Variants in CD163L1 observed in about 807,000 individuals in gnomAD.
CD163L1 encodes scavenger receptor cysteine-rich type 1 protein M160.
A neutral mutation model predicts 165.4 loss-of-function variants in CD163L1; 124 were observed. That is an observed-to-expected ratio of 0.75 (90% CI 0.65 to 0.87). The LOEUF (loss-of-function observed/expected upper bound fraction) is 0.87, where lower values mean the gene tolerates loss of function less well. Among genes scored for constraint, CD163L1 ranks in the 40% least tolerant of loss-of-function variants. The pLI, the probability that CD163L1 is intolerant of heterozygous loss-of-function variation, is 0.00. For synonymous variants in CD163L1, 585 were observed against 662.2 expected (o/e 0.88, Z 1.79); for missense variants, 1,525 against 1,799.9 (o/e 0.85, Z 2.76).
intron 4 of CD163L1, among the ~76,000 whole-genome samples, chr12:7,428,269 T>A (rs1470480494): frequency 6.6e-6 from 1 of 152,078 alleles, no homozygotes. Flanking sequence ...CATAGTCAAT[T>A]GTACTGATAA....
chr12:7,344,204 C>G (rs368215170), downstream of CD163L1, among the ~76,000 whole-genome samples: 1 of 151,984 alleles, frequency 6.6e-6, no homozygotes, highest in African/African-American at 2.4e-5. Context: ...CCTCAGCCTC[C>G]CTAGGAGCTG....
intron 18 of CD163L1, among the ~76,000 whole-genome samples, chr12:7,365,604 G>T (rs368700077): frequency 1.3e-5 from 2 of 151,976 alleles, no homozygotes; most frequent in Non-Finnish European, 2.9e-5. Context: ...ATGGGTGAAA[G>T]AACTGAATAG....
intron 4 of CD163L1, among the ~76,000 whole-genome samples, chr12:7,414,535 A>G (rs1948199816): frequency 6.7e-6 from 1 of 148,904 alleles, no homozygotes; most frequent in African/African-American, 2.6e-5. Flanking sequence ...GAAAAACAAC[A>G]GAAATTTAAA....
At chr12:7,364,594 C>G (rs1946973798) in intron 18 of CD163L1, among the ~76,000 whole-genome samples, 1 of 152,032 alleles carries the variant, frequency 6.6e-6, no homozygotes, top group Non-Finnish European at 1.5e-5. Flanking sequence ...AGTAAAGTTA[C>G]AGAATACAAA....
At chr12:7,379,818 G>A (rs564785042) in intron 8 of CD163L1, among the ~76,000 whole-genome samples, 205 of 150,368 alleles carry the variant, frequency 1.4e-3, no homozygotes, top group African/African-American at 4.6e-3. Flanking sequence ...ATTGGAGCTC[G>A]GGAAAAGAAA....
chr12:7,413,699 T>C (rs1007070587), intron 4 of CD163L1, among the ~76,000 whole-genome samples: 6 of 152,216 alleles, frequency 3.9e-5, no homozygotes, highest in African/African-American at 7.2e-5. Context: ...TCAGACGGTG[T>C]GTGTATCTTT....
At chr12:7,340,016 T>A in the CD163L1 span, among the ~76,000 whole-genome samples, 8 of 152,132 alleles carry the variant, frequency 5.3e-5, no homozygotes, top group Non-Finnish European at 8.8e-5. Flanking sequence ...GCAGGTTGTG[T>A]ATATTATGGA....
intron 13 of CD163L1, 77 bp from the exon 14 acceptor site, chr12:7,373,717 C>G (rs1457842513): frequency 2.4e-6 from 3 of 1,234,854 alleles, no homozygotes; most frequent in Non-Finnish European, 3.4e-6. Context: ...ATCCATTTTT[C>G]CCATGGAAAT....
intron 2 of CD163L1, chr12:7,439,543 G>A (rs10772331): frequency 0.67 from 1,053,679 of 1,571,646 alleles, 371,735 homozygotes; most frequent in Non-Finnish European, 0.74. Flanking sequence ...CTTCTTTGGG[G>A]AAGTATCTTC....
At chr12:7,439,854 C>T in intron 2 of CD163L1, 1 of 1,612,248 alleles carries the variant, frequency 6.2e-7, no homozygotes, top group Non-Finnish European at 8.5e-7. Flanking sequence ...CAAAGGCCTC[C>T]GCTCCTCTCG....
intron 14 of CD163L1, 134 bp downstream of exon 14, chr12:7,373,181 AGATGC>A: frequency 1.5e-6 from 1 of 667,142 alleles, no homozygotes; most frequent in Non-Finnish European, 2.5e-6. Context: ...AATATAGAAC[AGATGC>A]GATAAATCAG....
At chr12:7,323,133 C>A in the CD163L1 span, 2 of 1,132,770 alleles carry the variant, frequency 1.8e-6, no homozygotes, top group Non-Finnish European at 2.5e-6. Context: ...CGCCTGCATA[C>A]CAGGAAAATC....
Position 7,347,671 on chromosome 12 carries a change from AG to A in CD163L1, c.*25-525del, listed in dbSNP as rs1347026387. 6.6e-6 allele frequency among the ~76,000 whole-genome samples: 1 copy of A among 152,038 alleles called. No homozygotes were observed. The highest frequency in any genetic ancestry group is 6.5e-5 in the Admixed American group (1 of 15,282). On this transcript the variant is annotated intron_variant, in intron 4 of 4. Transcript: ENST00000539726. The surrounding 1 kb of genome is among the most constrained non-coding windows in gnomAD (Gnocchi z 4.2). ...TAGTCCCAGCTACTCGGAGAGGCTG[AG>A]GCAGGAGAATGGCGTGAACCTGGGA...
exon 5 of CD163L1, chr12:7,346,761 C>G (rs1203358412): frequency 6.6e-6 from 1 of 152,068 alleles, no homozygotes; most frequent in Non-Finnish European, 1.5e-5. Context: ...GAAACCACTG[C>G]TAAAGGGCAC....
At chr12:7,356,382 T>C (rs1234892445) in intron 19 of CD163L1, among the ~76,000 whole-genome samples, 1 of 152,156 alleles carries the variant, frequency 6.6e-6, no homozygotes, top group Non-Finnish European at 1.5e-5. Flanking sequence ...CTTTTTTTGT[T>C]ATTATGGTAA....
At chr12:7,426,298 G>A (rs1220535873) in intron 4 of CD163L1, among the ~76,000 whole-genome samples, 1 of 152,044 alleles carries the variant, frequency 6.6e-6, no homozygotes, top group African/African-American at 2.4e-5. Flanking sequence ...TCTGGGAATG[G>A]GGGGCAAGGG....
intron 2 of CD163L1, among the ~76,000 whole-genome samples, chr12:7,434,929 A>T (rs1244851160): frequency 2.6e-5 from 4 of 152,186 alleles, no homozygotes; most frequent in Non-Finnish European, 4.4e-5. Context: ...TGGTTTCCTT[A>T]TATTTCTCTT....
the CD163L1 span, among the ~76,000 whole-genome samples, chr12:7,338,768 A>T: frequency 2.1e-4 from 32 of 152,134 alleles, no homozygotes; most frequent in Non-Finnish European, 3.2e-4. Context: ...TTCCACCCAG[A>T]TCTTCAGCAC....
Position 7,406,816 on chromosome 12 carries a change from G to A in CD163L1, c.803C>T (p.Thr268Ile). The change falls in exon 5 of 20, where the codon ACT (threonine) becomes ATT (isoleucine). Residue 268 changes from threonine to isoleucine, a missense_variant. Thr to Ile is a moderately conservative substitution (Grantham distance 89, BLOSUM62 -1). Coordinates refer to ENST00000313599, the MANE Select transcript of CD163L1 (RefSeq NM_174941.6). ...CTCTACTCTCCCCATACAGCGGTTA[G>A]TTCCACCTACAAGCCTTAGTTCAAG... Reference protein sequence around the residue: ...SDLELRLVGGTNRCMGRVELK... With the variant: ...SDLELRLVGGINRCMGRVELK... 1 of 1,614,038 alleles carries A rather than the reference G, an allele frequency of 6.2e-7. No individual in the cohort carries two copies. The highest frequency in any genetic ancestry group is 8.5e-7 in the Non-Finnish European group (1 of 1,179,978).
Sources: allele counts gnomAD v4.1 joint callset (sites outside exome capture counted in the v4.1 genomes callset), GRCh38; gene constraint gnomAD v4.1.1; non-coding constraint Gnocchi (gnomAD v3.1); transcripts MANE v1.5; gene names NCBI Gene and HGNC (gene_info 2026-07-23, HGNC 2026-07-21).